The following CFLAR variants were observed in gnomAD, a reference collection of about 807,000 sequenced individuals.
CFLAR encodes the protein CASP8 and FADD like apoptosis regulator.
Under a neutral mutation model 51.1 loss-of-function variants are expected in CFLAR, and 14 were observed. The observed-to-expected ratio is 0.27, with a 90% confidence interval of 0.18 to 0.43. The LOEUF is 0.43. Among genes scored for constraint, CFLAR ranks in the 20% least tolerant of loss-of-function variants. The pLI is 1.00. For missense variants in CFLAR, 390 were observed against 566.5 expected (o/e 0.69, Z 3.16); for synonymous variants, 210 against 211.6 (o/e 0.99, Z 0.06).
rs1559251763 is a variant in CFLAR at position 201,161,410 on chromosome 2, A to ATTTAT, written c.1304+471_1304+472insATTTT. ...ATAAATACAAATAACAAATTTATTT[A>ATTTAT]TTTTTATTTATTTTTTTTTTTGAGA... On this transcript the variant is annotated intron_variant, in intron 9 of 9. Transcript: ENST00000309955. Among the ~76,000 whole-genome samples, 4 of 104,402 alleles carry ATTTAT rather than the reference A, an allele frequency of 3.8e-5. 1 individual carries two copies. The highest frequency in any genetic ancestry group is 9.7e-5 in the Non-Finnish European group (4 of 41,172). The allele number at this position is 104,402 out of a possible 152,430, so 68.5% of individuals were successfully genotyped here. A position where few individuals can be genotyped will look rare whatever the true frequency, so the allele number is the denominator to read the frequency against.
rs1008744250 is a variant in CFLAR at position 201,163,336 on chromosome 2, C to G, written c.1305-499C>G. On this transcript the variant is annotated intron_variant, in intron 9 of 9. Coordinates refer to ENST00000309955, the MANE Select transcript of CFLAR (RefSeq NM_003879.7). Reference sequence around the variant, plus strand: ...CAATGTACCTCAAGTATAAGATTAACTGGCCTTTTTCAGTTGCACTCTAAT... The same window carrying G: ...CAATGTACCTCAAGTATAAGATTAAGTGGCCTTTTTCAGTTGCACTCTAAT... The G allele has an allele frequency of 6.7e-6, 8 of 1,194,712 alleles. No individual in the cohort carries two copies. The African/African-American group carries it at 9.4e-5, about 14-fold the overall frequency. The allele number at this position is 1,194,712 out of a possible 1,614,324, so 74.0% of individuals were successfully genotyped here. A position where few individuals can be genotyped will look rare whatever the true frequency, so the allele number is the denominator to read the frequency against.
At chr2:201,163,427 C>G in intron 9 of CFLAR, 1 of 1,111,798 alleles carries the variant, frequency 9.0e-7, no homozygotes, top group South Asian at 2.7e-5. Context: ...TCTGCGTACC[C>G]CAGGAATAAA....
At chr2:201,144,429 G>C (rs1939682181) in intron 5 of CFLAR, 1 of 152,206 alleles carries the variant, frequency 6.6e-6, no homozygotes, top group Non-Finnish European at 1.5e-5. Context: ...TGTGTAGCTA[G>C]GCAATGATAG....
chr2:201,172,319 G>A lies in CFLAR; in HGVS notation c.*8346G>A, dbSNP rs891708795. 3 of 152,186 alleles carry A rather than the reference G, an allele frequency of 2.0e-5. No individual in the cohort carries two copies. The highest frequency in any genetic ancestry group is 7.2e-5 in the African/African-American group (3 of 41,442). 9.4% of individuals were successfully genotyped at this position (152,186 alleles called of 1,614,324 possible). On this transcript the variant is annotated 3_prime_UTR_variant, in exon 10 of 10. Coordinates refer to ENST00000309955, the MANE Select transcript of CFLAR (RefSeq NM_003879.7). Reference sequence around the variant, plus strand: ...TACTTTAGCAAGCAATGAACGTGATGTAAACTATTGTTGATATAGTTTTTA... The same window carrying A: ...TACTTTAGCAAGCAATGAACGTGATATAAACTATTGTTGATATAGTTTTTA...
rs369789091 is a variant in CFLAR, at chr2:201,133,071, T to G, written c.324T>G (p.Asp108Glu). The G allele has an allele frequency of 3.0e-5, 48 of 1,610,738 alleles. No homozygotes were observed. Among genetic ancestry groups the G allele is most frequent in the Admixed American group, 8.3e-5 (5 of 60,006 alleles). ...TTGGTGAGGATTTGGATAAATCTGA[T>G]GTGTCCTCATTAATTTTCCTCATGA... ...AEIGEDLDKS[D>E]VSSLIFLMKD... The change falls in exon 3 of 10, where the codon GAT becomes GAG. Residue 108 changes from aspartate to glutamate, a missense_variant. This residue lies in a region of CFLAR where 103 missense variants were observed against 202.9 expected (regional missense o/e 0.51). Transcript: ENST00000309955.
chr2:201,124,322 GTGTTTTGTTT>G lies in CFLAR; in HGVS notation c.-137-5390_-137-5381del, dbSNP rs376685674. Among the ~76,000 whole-genome samples, 10 of 152,226 alleles carry G rather than the reference GTGTTTTGTTT, an allele frequency of 6.6e-5. No individual in the cohort carries two copies. Among genetic ancestry groups the G allele is most frequent in the African/African-American group, 4.8e-5 (2 of 41,554 alleles). ...AAGTGTGTTAAGTGCTTCAATAGAG[GTGTTTTGTTT>G]TGTTTTGTTTTGTTTTTCGAGACGG... On this transcript the variant is annotated intron_variant, in intron 1 of 9. Coordinates refer to ENST00000309955, the MANE Select transcript of CFLAR (RefSeq NM_003879.7). This position sits in a 1 kb window ranked among gnomAD's most constrained non-coding sequence, Gnocchi z 4.7.
Position 201,154,007 on chromosome 2 carries a change from C to T in CFLAR, c.793+4172C>T, listed in dbSNP as rs527296376. ...GCAACCTCTCCCTCCCAAGTTCAAG[C>T]GATTCTTCTGCCTCAGCCTCCTGAG... On this transcript the variant is annotated intron_variant, in intron 8 of 9. Transcript: ENST00000309955. 358 of 176,526 alleles carry T rather than the reference C, an allele frequency of 2.0e-3. 2 individuals carry two copies. Among genetic ancestry groups the T allele is most frequent in the African/African-American group, 7.8e-3 (318 of 41,014 alleles). 10.9% of individuals were successfully genotyped at this position (176,526 alleles called of 1,614,324 possible). A position where few individuals can be genotyped will look rare whatever the true frequency, so the allele number is the denominator to read the frequency against.
In CFLAR at chr2:201,165,587, AT is replaced by A. The variant is rs71022347; in HGVS notation, c.*1626del. 61,136 of 150,268 alleles carry A rather than the reference AT, an allele frequency of 0.41. 12,569 individuals carry two copies. Among genetic ancestry groups the A allele is most frequent in the Non-Finnish European group, 0.46 (31,262 of 68,050 alleles). 9.3% of individuals were successfully genotyped at this position (150,268 alleles called of 1,614,324 possible). On this transcript the variant is annotated 3_prime_UTR_variant, in exon 10 of 10. Coordinates refer to ENST00000309955, the MANE Select transcript of CFLAR (RefSeq NM_003879.7). Reference sequence around the variant, plus strand: ...GCACCTGGCCTATTATTATTTTTAAATTTTTTTTTTTTAATTGATCATTCTT... The same window carrying A: ...GCACCTGGCCTATTATTATTTTTAAATTTTTTTTTTTAATTGATCATTCTT...
At position 201,164,998 on chromosome 2, in the gene CFLAR, C is replaced by T. The variant is rs1420832574; in HGVS notation, c.*1025C>T. 1 of 152,076 alleles carries T rather than the reference C, an allele frequency of 6.6e-6. No homozygotes were observed. Among genetic ancestry groups the T allele is most frequent in the Admixed American group, 6.5e-5 (1 of 15,270 alleles). 9.4% of individuals were successfully genotyped at this position (152,076 alleles called of 1,614,324 possible). ...ATTCCATTCATGAGGGCTCTACCCT[C>T]ATCACCTAATTACCTCCCAAAGGCC... On this transcript the variant is annotated 3_prime_UTR_variant, in exon 10 of 10. Transcript: ENST00000309955.
chr2:201,137,971 C>T (rs192953265), intron 4 of CFLAR: 92 of 750,918 alleles, frequency 1.2e-4, no homozygotes, highest in Non-Finnish European at 2.0e-4. Flanking sequence ...ATGCCACCAT[C>T]GGCTATGATG....
At chr2:201,152,192 A>G (rs1473547716) in intron 8 of CFLAR, among the ~76,000 whole-genome samples, 2 of 151,950 alleles carry the variant, frequency 1.3e-5, no homozygotes, top group Admixed American at 6.6e-5. Flanking sequence ...ACGGGGTTTC[A>G]CCATGTTGGC....
chr2:201,138,875 C>T lies in CFLAR; in HGVS notation c.524-1482C>T, dbSNP rs989760324. On this transcript the variant is annotated intron_variant, in intron 4 of 9. Transcript: ENST00000309955. This position sits in a 1 kb window ranked among gnomAD's most constrained non-coding sequence, Gnocchi z 4.0. ...TGGGGGAGGAGATCAGCGGCGTCTT[C>T]AGAGTGACCATTGGGTCAGGGCTGA... 2.0e-5 allele frequency: 14 copies of T among 703,712 alleles called. No individual in the cohort carries two copies. The highest frequency in any genetic ancestry group is 1.0e-4 in the African/African-American group (6 of 57,284). 43.6% of individuals were successfully genotyped at this position (703,712 alleles called of 1,614,324 possible). A position where few individuals can be genotyped will look rare whatever the true frequency, so the allele number is the denominator to read the frequency against.
At chr2:201,144,620 TG>T (rs1224839146) in intron 5 of CFLAR, among the ~76,000 whole-genome samples, 2 of 152,180 alleles carry the variant, frequency 1.3e-5, no homozygotes, top group Non-Finnish European at 2.9e-5. Context: ...AGCTAATAAG[TG>T]GCAGAATTAG....
chr2:201,120,310 T>G (rs1329235375), intron 1 of CFLAR, among the ~76,000 whole-genome samples: 1 of 152,100 alleles, frequency 6.6e-6, no homozygotes, highest in African/African-American at 2.4e-5. Flanking sequence ...GAAAATTGCT[T>G]CCTTTTCTAC....
At chr2:201,134,401 G>A (rs1231885672) in intron 3 of CFLAR, among the ~76,000 whole-genome samples, 3 of 152,054 alleles carry the variant, frequency 2.0e-5, no homozygotes, top group South Asian at 2.1e-4. Context: ...TTGGGAGGCT[G>A]AGCCGGGCAG....
chr2:201,164,110 C>T lies in CFLAR; in HGVS notation c.*137C>T. On this transcript the variant is annotated 3_prime_UTR_variant, in exon 10 of 10. Coordinates refer to ENST00000309955, the MANE Select transcript of CFLAR (RefSeq NM_003879.7). Reference sequence around the variant, plus strand: ...GTAAACGCTGTCCCTAGTAAAAATACAAAAATTAGCTGGGTGTGGGTGTGG... The same window carrying T: ...GTAAACGCTGTCCCTAGTAAAAATATAAAAATTAGCTGGGTGTGGGTGTGG... The T allele has an allele frequency of 3.3e-6, 2 of 604,770 alleles. No homozygotes were observed. Among genetic ancestry groups the T allele is most frequent in the Non-Finnish European group, 5.5e-6 (2 of 366,360 alleles). The allele number at this position is 604,770 out of a possible 1,614,324, so 37.5% of individuals were successfully genotyped here. A position where few individuals can be genotyped will look rare whatever the true frequency, so the allele number is the denominator to read the frequency against.
At chr2:201,134,046 C>T (rs959035560) in intron 3 of CFLAR, among the ~76,000 whole-genome samples, 9 of 151,188 alleles carry the variant, frequency 6.0e-5, no homozygotes, top group Non-Finnish European at 7.4e-5. Context: ...CGGTGGCTCA[C>T]GCCTGTAATC....
rs2050461100 is a variant in CFLAR, at chr2:201,138,500, C to G, written c.524-1857C>G. ...TTCAACCTCACACTGCTGGAGCCACCACTAGCTTGATCCTTGGCATCATCA... is the reference window on the plus strand; with the variant it reads ...TTCAACCTCACACTGCTGGAGCCACGACTAGCTTGATCCTTGGCATCATCA... On this transcript the variant is annotated intron_variant, in intron 4 of 9. Transcript: ENST00000309955. The surrounding 1 kb of genome is among the most constrained non-coding windows in gnomAD (Gnocchi z 4.0). 2.3e-6 allele frequency: 3 copies of G among 1,278,454 alleles called. No homozygotes were observed. The highest frequency in any genetic ancestry group is 2.4e-5 in the South Asian group (2 of 84,630). 79.2% of individuals were successfully genotyped at this position (1,278,454 alleles called of 1,614,324 possible).
In CFLAR at chr2:201,175,278, C is replaced by A. The variant is rs1444487540; in HGVS notation, c.*11305C>A. On this transcript the variant is annotated 3_prime_UTR_variant, in exon 10 of 10. Coordinates refer to ENST00000309955, the MANE Select transcript of CFLAR (RefSeq NM_003879.7). The stretch of plus-strand genomic sequence containing the variant: ...TGAATTCTTTCCTGAACCCACTTGA[C>A]CTCTTGGGCTGAGCCTTAACCTTGG... 1 of 152,190 alleles carries A rather than the reference C, an allele frequency of 6.6e-6. No individual in the cohort carries two copies. The highest frequency in any genetic ancestry group is 2.4e-5 in the African/African-American group (1 of 41,430). 9.4% of individuals were successfully genotyped at this position (152,190 alleles called of 1,614,324 possible).
Sources: allele counts gnomAD v4.1 joint callset (sites outside exome capture counted in the v4.1 genomes callset), GRCh38; gene constraint gnomAD v4.1.1; regional missense constraint gnomAD v4.1.1; non-coding constraint Gnocchi (gnomAD v3.1); transcripts MANE v1.5; gene names NCBI Gene and HGNC (gene_info 2026-07-23, HGNC 2026-07-21).